The following TRPM6 variants were observed in gnomAD, a reference collection of about 807,000 sequenced individuals.
The protein encoded by TRPM6 is channel kinase 2.
Under a neutral mutation model 247.6 loss-of-function variants are expected in TRPM6, and 111 were observed. The observed-to-expected ratio is 0.45, with a 90% CI of 0.38 to 0.52. The LOEUF (loss-of-function observed/expected upper bound fraction) is 0.52, where lower values mean the gene tolerates loss of function less well. Ranked by LOEUF, TRPM6 falls within the 20% of genes least tolerant of loss-of-function variation. The pLI is 0.00. For missense variants in TRPM6, 2,126 were observed against 2,421.5 expected (o/e 0.88, Z 2.56); for synonymous variants, 892 against 853.8 (o/e 1.04, Z -0.78).
At chr9:74,830,696 C>T (rs1033039276) in intron 6 of TRPM6, among the ~76,000 whole-genome samples, 1 of 151,868 alleles carries the variant, frequency 6.6e-6, no homozygotes, top group African/African-American at 2.4e-5. Context: ...TCCACCTCAG[C>T]CCCCCAAGTA....
chr9:74,788,651 A>C lies in TRPM6; in HGVS notation c.2630T>G (p.Ile877Ser), dbSNP rs770999565. Reference sequence around the variant, plus strand: ...CTCAATAGCATTGGTGAAGATGTAAATGCTAACAAGCCACTCCTGCACGCT... The same window carrying C: ...CTCAATAGCATTGGTGAAGATGTAACTGCTAACAAGCCACTCCTGCACGCT... ...QPSVQEWLVS[I>S]YIFTNAIEVV... Residue 877 changes from isoleucine (I) to serine (S), a missense_variant, in exon 20 of 39, where the codon ATT (isoleucine) becomes AGT (serine). By Grantham distance (142) the Ile-to-Ser change is moderately radical. Coordinates refer to ENST00000360774, the MANE Select transcript of TRPM6 (RefSeq NM_017662.5). The C allele has an allele frequency of 6.2e-7, 1 of 1,613,988 alleles. No homozygotes were observed. The highest frequency in any genetic ancestry group is 8.5e-7 in the Non-Finnish European group (1 of 1,179,906).
intron 25 of TRPM6, among the ~76,000 whole-genome samples, chr9:74,770,212 T>A (rs1357326645): frequency 1.3e-5 from 2 of 152,168 alleles, no homozygotes; most frequent in Non-Finnish European, 2.9e-5. Flanking sequence ...TTTAGAAAGT[T>A]CTTCATGTGA....
At chr9:74,855,848 AT>A (rs1830506312) in intron 2 of TRPM6, among the ~76,000 whole-genome samples, 1 of 152,178 alleles carries the variant, frequency 6.6e-6, no homozygotes, top group East Asian at 1.9e-4. Flanking sequence ...TCTGAAAATA[AT>A]ATCTGCTTCA....
At chr9:74,756,535 C>T (rs1216838049) in intron 27 of TRPM6, among the ~76,000 whole-genome samples, 1 of 151,782 alleles carries the variant, frequency 6.6e-6, no homozygotes, top group African/African-American at 2.4e-5. Flanking sequence ...AATTTGATAG[C>T]ACTAAATGAC....
chr9:74,741,494 A>G (rs1309922020), intron 33 of TRPM6, among the ~76,000 whole-genome samples: 2 of 152,124 alleles, frequency 1.3e-5, no homozygotes, highest in African/African-American at 4.8e-5. Context: ...GATAAATGCC[A>G]CTGAAGATCT....
rs747860468 is a variant in TRPM6 at position 74,738,532 on chromosome 9, C to T, written c.5651G>A (p.Arg1884Gln). 44 of 1,613,910 alleles carry T rather than the reference C, an allele frequency of 2.7e-5. No homozygotes were observed. Among genetic ancestry groups the T allele is most frequent in the Admixed American group, 1.2e-4 (7 of 59,994 alleles). Reference sequence around the variant, plus strand: ...ATCACCATTGTTGTTGTTATACTTCCGGAACTCCCCTGTCATATACTTCTC... The same window carrying T: ...ATCACCATTGTTGTTGTTATACTTCTGGAACTCCCCTGTCATATACTTCTC... ...TIEKYMTGEF[R>Q]KYNNNNGDEI... The change falls in exon 36 of 39, where the codon CGG becomes CAG. Residue 1884 changes from arginine (R) to glutamine (Q), a missense_variant. Physicochemically the swap from Arg to Gln is conservative, Grantham distance 43 (BLOSUM62 1). Around this residue, in one of 3 missense-constraint regions of TRPM6, gnomAD observed 327 missense variants for 397.7 expected, o/e 0.82. Transcript: ENST00000360774.
rs778083572 is a variant in TRPM6 at position 74,842,278 on chromosome 9, G to A, written c.218C>T (p.Ala73Val). ...CCATTGTTCACTTTCTTTACCCTTG[G>A]CAGCTGAGATGGTCCAGGAATAATC... ...GIDYSWTISA[A>V]KGKESEQWSV... The change falls in exon 4 of 39, where the codon GCC becomes GTC. Residue 73 changes from alanine (A) to valine (V), a missense_variant. By Grantham distance (64) the Ala-to-Val change is moderately conservative (BLOSUM62 0). Coordinates refer to ENST00000360774, the MANE Select transcript of TRPM6 (RefSeq NM_017662.5). 96 of 1,613,796 alleles carry A rather than the reference G, an allele frequency of 5.9e-5. No individual in the cohort carries two copies. Among genetic ancestry groups the A allele is most frequent in the Admixed American group, 4.3e-4 (26 of 59,962 alleles).
In TRPM6 at chr9:74,810,983, T is replaced by A. The variant is rs1489909763; in HGVS notation, c.1444-115A>T. On this transcript the variant is annotated intron_variant, in intron 12 of 38. Coordinates refer to ENST00000360774, the MANE Select transcript of TRPM6 (RefSeq NM_017662.5). ...AGAATACTGAAAATTGTGTTCAATA[T>A]TTTTAGTAACAATGCTTAAGCCAAT... The A allele has an allele frequency of 7.4e-6, 6 of 811,224 alleles. No individual in the cohort carries two copies. In the Admixed American group the frequency reaches 1.2e-4, roughly 17 times the overall value. The allele number at this position is 811,224 out of a possible 1,614,324, so 50.3% of individuals were successfully genotyped here. A position where few individuals can be genotyped will look rare whatever the true frequency, so the allele number is the denominator to read the frequency against.
At chr9:74,859,770 T>C (rs1298404307) in intron 1 of TRPM6, among the ~76,000 whole-genome samples, 2 of 146,676 alleles carry the variant, frequency 1.4e-5, no homozygotes, top group Non-Finnish European at 3.0e-5. Context: ...CGAGACTCTG[T>C]CTCAAAAAAA....
At chr9:74,883,218 T>G (rs778104234) in intron 1 of TRPM6, among the ~76,000 whole-genome samples, 35 of 152,144 alleles carry the variant, frequency 2.3e-4, no homozygotes, top group Non-Finnish European at 4.3e-4. Context: ...CTGAATAATA[T>G]TCCCTTGTGT....
At chr9:74,827,721 G>A in intron 7 of TRPM6, 57 bp downstream of exon 7, 1 of 1,573,264 alleles carries the variant, frequency 6.4e-7, no homozygotes, top group Non-Finnish European at 8.8e-7. Context: ...GGAAGACCAT[G>A]AAAGACCTCA....
intron 19 of TRPM6, among the ~76,000 whole-genome samples, chr9:74,790,064 T>C (rs767151825): frequency 4.6e-5 from 7 of 151,394 alleles, no homozygotes; most frequent in Non-Finnish European, 8.8e-5. Context: ...CATATTATTT[T>C]AACCTTGATT....
chr9:74,816,536 T>C (rs2117942778), intron 11 of TRPM6, 133 bp downstream of exon 11: 1 of 689,074 alleles, frequency 1.5e-6, no homozygotes, highest in East Asian at 2.8e-5. Flanking sequence ...GTGTCTTAGC[T>C]ATCCCAGCTA....
At chr9:74,728,408 C>T in intron 37 of TRPM6, 63 bp from the exon 38 acceptor site, 1 of 1,174,904 alleles carries the variant, frequency 8.5e-7, no homozygotes, top group East Asian at 2.3e-5. Flanking sequence ...AACTAGGATT[C>T]TCCGAGATAC....
intron 3 of TRPM6, among the ~76,000 whole-genome samples, chr9:74,852,406 GTCCCGCTCCCGCTCCCTC>G (rs1475130179): frequency 4.7e-5 from 7 of 150,192 alleles, no homozygotes; most frequent in East Asian, 2.0e-4. Context: ...GCATAAAAGT[GTCCCGCTCCCGCTCCCTC>G]TCCCGCTCCC....
chr9:74,881,020 C>A (rs572130357), intron 1 of TRPM6, among the ~76,000 whole-genome samples: 1 of 152,060 alleles, frequency 6.6e-6, no homozygotes, highest in African/African-American at 2.4e-5. Flanking sequence ...CCTGGCTGGG[C>A]GTGGTAGCTT....
In TRPM6 at chr9:74,792,790, T is replaced by C; in HGVS notation, c.2392-20A>G. The C allele has an allele frequency of 6.2e-7, 1 of 1,609,060 alleles. No homozygotes were observed. The highest frequency in any genetic ancestry group is 1.3e-5 in the African/African-American group (1 of 74,894). On this transcript the variant is annotated intron_variant, in intron 18 of 38. Transcript: ENST00000360774. ...CTCTTTCTATAAAATAAACAAATAA[T>C]CATTTTCTTGTCAGCAGCTTAACTA...
At chr9:74,887,639 G>T in intron 1 of TRPM6, 185 bp downstream of exon 1, 1 of 1,569,640 alleles carries the variant, frequency 6.4e-7, no homozygotes, top group African/African-American at 1.3e-5. Context: ...ACCTTAGATA[G>T]GATAATCATC....
intron 11 of TRPM6, among the ~76,000 whole-genome samples, chr9:74,813,813 T>C (rs1828824875): frequency 6.6e-6 from 1 of 152,214 alleles, no homozygotes; most frequent in Non-Finnish European, 1.5e-5. Flanking sequence ...TATCGTATTC[T>C]GGGCCGGGCA....
Sources: gnomAD v4.1 joint callset for allele counts (sites outside exome capture counted in the v4.1 genomes callset) on GRCh38, gnomAD v4.1.1 for gene constraint, gnomAD v4.1.1 regional missense constraint, MANE v1.5 for transcripts, NCBI Gene and HGNC (gene_info 2026-07-23, HGNC 2026-07-21) for gene names.